TCF4: variants seen among roughly 807,000 people sequenced by gnomAD.
TCF4 encodes the protein SL3-3 enhancer factor 2.
Under a neutral mutation model 82.1 loss-of-function variants are expected in TCF4, and 3 were observed. The observed-to-expected ratio is 0.04, with a 90% CI of 0.02 to 0.09. TCF4 has a LOEUF of 0.09. TCF4 is among the 10% of genes least tolerant of loss of function. The pLI, the probability that TCF4 is intolerant of heterozygous loss-of-function variation, is 1.00. For missense variants in TCF4, 518 were observed against 852.7 expected (o/e 0.61, Z 4.89); for synonymous variants, 276 against 309.6 (o/e 0.89, Z 1.14).
chr18:55,486,494 A>G (rs948163663), intron 3 of TCF4, among the ~76,000 whole-genome samples: 3 of 152,340 alleles, frequency 2.0e-5, no homozygotes, highest in Middle Eastern at 3.4e-3. Flanking sequence ...CAGGAGGCTG[A>G]GGCAGGAAAA....
At chr18:55,445,058 C>T (rs1024646770) in intron 5 of TCF4, among the ~76,000 whole-genome samples, 2 of 152,204 alleles carry the variant, frequency 1.3e-5, no homozygotes, top group African/African-American at 4.8e-5. Context: ...GCCTTAATCA[C>T]CTCCTGAGTA....
intron 15 of TCF4, among the ~76,000 whole-genome samples, chr18:55,253,596 C>T (rs2055907891): frequency 6.6e-6 from 1 of 152,064 alleles, no homozygotes; most frequent in Non-Finnish European, 1.5e-5. Flanking sequence ...GGAAAAAAAT[C>T]ACAATTGTAA....
At chr18:55,279,723 A>AT in intron 8 of TCF4, 67 bp from the exon 9 acceptor site, 1 of 1,606,814 alleles carries the variant, frequency 6.2e-7, no homozygotes, top group Middle Eastern at 1.7e-4. Context: ...CTCCATTCTT[A>AT]TATAAGAAGT....
chr18:55,334,228 T>A (rs1334272067), intron 8 of TCF4, among the ~76,000 whole-genome samples: 1 of 152,196 alleles, frequency 6.6e-6, no homozygotes, highest in Non-Finnish European at 1.5e-5. Context: ...TTTTATTTAG[T>A]AAAAGCATTA....
chr18:55,625,671 CTGATA>C (rs1426234655), intron 2 of TCF4, among the ~76,000 whole-genome samples: 1 of 152,114 alleles, frequency 6.6e-6, no homozygotes, highest in African/African-American at 2.4e-5. Flanking sequence ...AATGTATTTT[CTGATA>C]TATTTTTGTA....
chr18:55,342,590 A>C (rs2080233429), intron 8 of TCF4, among the ~76,000 whole-genome samples: 2 of 152,130 alleles, frequency 1.3e-5, no homozygotes, highest in Admixed American at 1.3e-4. Context: ...TCTCCTAATA[A>C]ATTTCAGCTT....
chr18:55,455,238 A>AAGG (rs1278487734), intron 5 of TCF4, among the ~76,000 whole-genome samples: 1 of 151,464 alleles, frequency 6.6e-6, no homozygotes, highest in African/African-American at 2.4e-5. Context: ...TAGAAGAAGA[A>AAGG]AGGAAGAAGT....
intron 6 of TCF4, chr18:55,400,952 A>T (rs1392191633): frequency 7.8e-7 from 1 of 1,288,278 alleles, no homozygotes; most frequent in East Asian, 5.6e-5. Context: ...TATCTCAATC[A>T]TGTAGTAAAC....
At chr18:55,406,700 C>T (rs1294507031) in intron 5 of TCF4, among the ~76,000 whole-genome samples, 3 of 152,206 alleles carry the variant, frequency 2.0e-5, no homozygotes, top group Admixed American at 6.5e-5. Flanking sequence ...CTGGCGCGGA[C>T]AGCCTCTTTC....
At chr18:55,468,130 C>A (rs2096071964) in intron 3 of TCF4, among the ~76,000 whole-genome samples, 1 of 152,100 alleles carries the variant, frequency 6.6e-6, no homozygotes, top group Admixed American at 6.5e-5. Flanking sequence ...ACTCTTGTGT[C>A]CACAAAAGAT....
chr18:55,448,198 A>G (rs919516829), intron 5 of TCF4, among the ~76,000 whole-genome samples: 2 of 152,226 alleles, frequency 1.3e-5, no homozygotes, highest in East Asian at 1.9e-4. Flanking sequence ...TATTTGTTAT[A>G]AAAACCAGTC....
chr18:55,471,245 C>T (rs1370118570), intron 3 of TCF4, among the ~76,000 whole-genome samples: 1 of 152,064 alleles, frequency 6.6e-6, no homozygotes, highest in Non-Finnish European at 1.5e-5. Flanking sequence ...AGATGATGTC[C>T]ACACAAGCAT....
chr18:55,397,778 C>G (rs1164541189), intron 6 of TCF4, among the ~76,000 whole-genome samples: 1 of 152,074 alleles, frequency 6.6e-6, no homozygotes, highest in African/African-American at 2.4e-5. Flanking sequence ...TTTTAAGAGA[C>G]ATGTACTGAA....
intron 3 of TCF4, among the ~76,000 whole-genome samples, chr18:55,558,823 A>C (rs773174959): frequency 2.6e-4 from 40 of 152,226 alleles, no homozygotes; most frequent in Admixed American, 5.9e-4. Context: ...TATGCTAATG[A>C]TCAATAAAAA....
chr18:55,460,447 C>T (rs1160044036), intron 5 of TCF4, among the ~76,000 whole-genome samples: 1 of 152,160 alleles, frequency 6.6e-6, no homozygotes, highest in African/African-American at 2.4e-5. Flanking sequence ...CTCAAACTAA[C>T]AGGTAACTTG....
chr18:55,322,178 T>G (rs1297598767), intron 8 of TCF4: 31 of 1,063,622 alleles, frequency 2.9e-5, no homozygotes, highest in Middle Eastern at 8.4e-4. Flanking sequence ...TCAACTGCCT[T>G]AGGGTAAAAG....
At chr18:55,384,451 A>G (rs770714068) in intron 6 of TCF4, among the ~76,000 whole-genome samples, 1 of 152,204 alleles carries the variant, frequency 6.6e-6, no homozygotes, top group Non-Finnish European at 1.5e-5. Flanking sequence ...TGTCATCAGT[A>G]CTGTGAGAAG....
chr18:55,557,629 A>G (rs952324722), intron 3 of TCF4, among the ~76,000 whole-genome samples: 1 of 152,170 alleles, frequency 6.6e-6, no homozygotes, highest in Non-Finnish European at 1.5e-5. Flanking sequence ...AAACAAATCT[A>G]AATATATTTA....
At chr18:55,342,221 A>AATAT (rs1219251477) in intron 8 of TCF4, among the ~76,000 whole-genome samples, 1 of 152,184 alleles carries the variant, frequency 6.6e-6, no homozygotes. Flanking sequence ...TTATTTGTAA[A>AATAT]ATAATTACTG....
Sources: allele counts gnomAD v4.1 joint callset (sites outside exome capture counted in the v4.1 genomes callset), GRCh38; gene constraint gnomAD v4.1.1; transcripts MANE v1.5; gene names NCBI Gene and HGNC (gene_info 2026-07-23, HGNC 2026-07-21).